Variants in FMN2 observed in about 807,000 individuals in gnomAD.
FMN2 encodes formin-2.
In FMN2, 51 loss-of-function variants were observed where a neutral mutation model predicts 142.3. The ratio of observed to expected loss-of-function variants is 0.36; its 90% CI spans 0.29 to 0.45. The LOEUF is 0.45. FMN2 is among the 20% of genes least tolerant of loss of function. The pLI is 1.00. For missense variants in FMN2, 1,936 were observed against 2,122.8 expected (o/e 0.91, Z 1.73); for synonymous variants, 882 against 869.8 (o/e 1.01, Z -0.25).
chr1:240,283,359 A>G (rs939461778), intron 7 of FMN2, among the ~76,000 whole-genome samples: 1 of 152,124 alleles, frequency 6.6e-6, no homozygotes, highest in African/African-American at 2.4e-5. Context: ...TTAGAGGCTC[A>G]TGCTTGTATT....
chr1:240,339,382 T>C (rs1456141594), intron 13 of FMN2, among the ~76,000 whole-genome samples: 1 of 152,188 alleles, frequency 6.6e-6, no homozygotes, highest in Non-Finnish European at 1.5e-5. Flanking sequence ...TAAATTAAGC[T>C]ATAGCATAGG....
At chr1:240,325,553 G>GAAATTTATTT (rs112290126) in intron 8 of FMN2, among the ~76,000 whole-genome samples, 3 of 151,902 alleles carry the variant, frequency 2.0e-5, no homozygotes, top group African/African-American at 7.2e-5. Context: ...CCTAGTGTCA[G>GAAATTTATTT]TTAACTCCAA....
chr1:240,206,069 A>C (rs1013354375), intron 4 of FMN2, among the ~76,000 whole-genome samples: 1 of 151,574 alleles, frequency 6.6e-6, no homozygotes, highest in South Asian at 2.1e-4. Context: ...TGCTCAGCTA[A>C]TTTTTTTAAT....
intron 1 of FMN2, among the ~76,000 whole-genome samples, chr1:240,111,344 G>T (rs1661801528): frequency 6.6e-6 from 1 of 152,206 alleles, no homozygotes; most frequent in Non-Finnish European, 1.5e-5. Flanking sequence ...TTAGAGTAAA[G>T]TGAAAGCAAC....
intron 14 of FMN2, among the ~76,000 whole-genome samples, chr1:240,375,931 G>A (rs1572245220): frequency 6.6e-6 from 1 of 151,982 alleles, no homozygotes; most frequent in African/African-American, 2.4e-5. Context: ...TTGTCAGTTG[G>A]GGAATTTTGT....
intron 7 of FMN2, among the ~76,000 whole-genome samples, chr1:240,259,003 C>T (rs1470038570): frequency 6.6e-6 from 1 of 152,156 alleles, no homozygotes; most frequent in African/African-American, 2.4e-5. Context: ...TGGGATAATT[C>T]ATAAATAGCA....
intron 6 of FMN2, chr1:240,245,639 G>A: frequency 4.3e-6 from 2 of 470,150 alleles, no homozygotes; most frequent in East Asian, 7.0e-5. Context: ...TGTGTAGTAG[G>A]GGTATTAGTT....
chr1:240,285,481 G>GT (rs1298156389), intron 7 of FMN2, among the ~76,000 whole-genome samples: 1 of 152,046 alleles, frequency 6.6e-6, no homozygotes, highest in Non-Finnish European at 1.5e-5. Flanking sequence ...CAAGCCCACC[G>GT]TGAGACTGGG....
chr1:240,166,234 T>C (rs1664476751), intron 2 of FMN2, among the ~76,000 whole-genome samples: 1 of 151,488 alleles, frequency 6.6e-6, no homozygotes, highest in Non-Finnish European at 1.5e-5. Context: ...TTATTATTAT[T>C]AATTTTTTTT....
intron 15 of FMN2, among the ~76,000 whole-genome samples, chr1:240,422,215 G>A (rs1203720649): frequency 6.6e-6 from 1 of 152,138 alleles, no homozygotes; most frequent in Non-Finnish European, 1.5e-5. Flanking sequence ...TTGCAGTATG[G>A]TGTTGGCTAT....
chr1:240,373,224 C>A (rs1672930798), intron 14 of FMN2, among the ~76,000 whole-genome samples: 1 of 152,112 alleles, frequency 6.6e-6, no homozygotes, highest in Non-Finnish European at 1.5e-5. Flanking sequence ...TAGCCTTCAG[C>A]AAGTTGTGAT....
chr1:240,386,207 A>G (rs1673400765), intron 14 of FMN2, among the ~76,000 whole-genome samples: 1 of 152,050 alleles, frequency 6.6e-6, no homozygotes, highest in Admixed American at 6.5e-5. Flanking sequence ...TCTCAAAACT[A>G]AGGCAATATA....
chr1:240,414,805 T>C (rs1674522923), intron 15 of FMN2, among the ~76,000 whole-genome samples: 1 of 152,238 alleles, frequency 6.6e-6, no homozygotes, highest in Non-Finnish European at 1.5e-5. Flanking sequence ...TATAAAAATC[T>C]ACTATTTTGA....
In FMN2 at chr1:240,426,972, CT is replaced by C. The variant is rs1674959007; in HGVS notation, c.4911-11088del. Among the ~76,000 whole-genome samples, 4 of 150,654 alleles carry C rather than the reference CT, an allele frequency of 2.7e-5. 1 individual carries two copies. The highest frequency in any genetic ancestry group is 3.4e-3 in the Middle Eastern group (1 of 294). Reference sequence around the variant, plus strand: ...CAGGCTGGTCTTGAACTCCTGACCTCTGGTGATCCACCCGCCTTGGCCTCCC... The same window carrying C: ...CAGGCTGGTCTTGAACTCCTGACCTCGGTGATCCACCCGCCTTGGCCTCCC... On this transcript the variant is annotated intron_variant, in intron 15 of 17. Coordinates refer to ENST00000319653, the MANE Select transcript of FMN2 (RefSeq NM_020066.5).
At chr1:240,394,309 A>G (rs1673701801) in intron 15 of FMN2, among the ~76,000 whole-genome samples, 3 of 152,196 alleles carry the variant, frequency 2.0e-5, no homozygotes, top group African/African-American at 7.2e-5. Flanking sequence ...TAAATCATAA[A>G]CATCAGTTCT....
chr1:240,434,922 G>A (rs1463516394), intron 15 of FMN2, among the ~76,000 whole-genome samples: 3 of 151,382 alleles, frequency 2.0e-5, no homozygotes, highest in East Asian at 1.9e-4. Flanking sequence ...GACAGCACTC[G>A]TGATCCTCAG....
At chr1:240,421,416 A>G (rs1028033422) in intron 15 of FMN2, among the ~76,000 whole-genome samples, 1 of 152,130 alleles carries the variant, frequency 6.6e-6, no homozygotes, top group African/African-American at 2.4e-5. Flanking sequence ...TATTGCCACC[A>G]TTCTACAAAT....
intron 16 of FMN2, among the ~76,000 whole-genome samples, chr1:240,441,233 T>G (rs575577399): frequency 6.6e-6 from 1 of 152,200 alleles, no homozygotes; most frequent in East Asian, 1.9e-4. Flanking sequence ...GACCTCATGA[T>G]CCACCCACCT....
At chr1:240,391,177 C>G (rs927748458) in intron 14 of FMN2, among the ~76,000 whole-genome samples, 2 of 151,898 alleles carry the variant, frequency 1.3e-5, no homozygotes, top group Admixed American at 6.6e-5. Context: ...ATCTGACATA[C>G]AAAAAGGGAA....
Sources: allele counts gnomAD v4.1 joint callset (sites outside exome capture counted in the v4.1 genomes callset), GRCh38; gene constraint gnomAD v4.1.1; transcripts MANE v1.5; gene names NCBI Gene and HGNC (gene_info 2026-07-23, HGNC 2026-07-21).